NOX4: variants seen among roughly 807,000 people sequenced by gnomAD.
NOX4 encodes kidney oxidase-1.
Under a neutral mutation model 87.6 loss-of-function variants are expected in NOX4, and 69 were observed. The observed-to-expected ratio is 0.79, with a 90% CI of 0.65 to 0.96. The LOEUF (loss-of-function observed/expected upper bound fraction) is 0.96, where lower values mean the gene tolerates loss of function less well. NOX4 is among the 40% of genes least tolerant of loss of function. NOX4 has a pLI of 0.00. For synonymous variants in NOX4, 275 were observed against 238.2 expected, an observed-to-expected ratio of 1.15 and a Z score of -1.42; for missense variants, 680 against 681.5, an observed-to-expected ratio of 1.00 and a Z score of 0.02.
chr11:89,517,622 C>A, the NOX4 span, among the ~76,000 whole-genome samples: 2 of 140,122 alleles, frequency 1.4e-5, no homozygotes, highest in African/African-American at 5.4e-5. Flanking sequence ...TATGACACCA[C>A]AACTGGCTAA....
intron 2 of NOX4, among the ~76,000 whole-genome samples, chr11:89,484,156 G>T (rs2135478947): frequency 6.6e-6 from 1 of 152,078 alleles, no homozygotes; most frequent in South Asian, 2.1e-4. Context: ...AAAAAATAAA[G>T]ATTTGACTAT....
At chr11:89,546,323 G>T in the NOX4 span, among the ~76,000 whole-genome samples, 3 of 152,264 alleles carry the variant, frequency 2.0e-5, no homozygotes, top group African/African-American at 7.2e-5. Flanking sequence ...TGAAATTTCA[G>T]CCTCTTAGAG....
the NOX4 span, among the ~76,000 whole-genome samples, chr11:89,544,749 G>A: frequency 2.0e-5 from 3 of 151,902 alleles, no homozygotes; most frequent in Non-Finnish European, 4.4e-5. Context: ...TCAGTAATTT[G>A]CTGTATGTCA....
At chr11:89,571,699 A>AT in the NOX4 span, among the ~76,000 whole-genome samples, 4 of 151,776 alleles carry the variant, frequency 2.6e-5, no homozygotes, top group Admixed American at 6.6e-5. Flanking sequence ...GTGAAAAAAA[A>AT]AAAAATAAAC....
rs976052948 is a variant in NOX4 at position 89,326,134 on chromosome 11, T to C, written c.*622A>G. The C allele has an allele frequency of 4.0e-5, 6 of 151,832 alleles. No homozygotes were observed. Among genetic ancestry groups the C allele is most frequent in the Non-Finnish European group, 7.4e-5 (5 of 67,936 alleles). 9.4% of individuals were successfully genotyped at this position (151,832 alleles called of 1,614,324 possible). ...GAAAAAAATATATAAAAATAGATACTATAACAACATTTGAGGAAGGTTCAG... is the reference window on the plus strand; with the variant it reads ...GAAAAAAATATATAAAAATAGATACCATAACAACATTTGAGGAAGGTTCAG... On this transcript the variant is annotated 3_prime_UTR_variant, in exon 18 of 18. Transcript: ENST00000263317.
intron 15 of NOX4, among the ~76,000 whole-genome samples, chr11:89,338,971 C>T (rs1225960404): frequency 2.0e-5 from 3 of 152,046 alleles, no homozygotes; most frequent in Non-Finnish European, 4.4e-5. Flanking sequence ...ATCTTGCCCC[C>T]TTAGAATGTA....
intron 11 of NOX4, among the ~76,000 whole-genome samples, chr11:89,376,949 T>C (rs1290388466): frequency 6.6e-6 from 1 of 152,080 alleles, no homozygotes; most frequent in Admixed American, 6.5e-5. Flanking sequence ...TCCCAGCTAC[T>C]TGGGAAGCTG....
At chr11:89,347,610 A>G (rs939625177) in intron 13 of NOX4, among the ~76,000 whole-genome samples, 1 of 152,186 alleles carries the variant, frequency 6.6e-6, no homozygotes, top group East Asian at 1.9e-4. Flanking sequence ...CTCTCCCTCA[A>G]TCATGAGGAC....
At chr11:89,389,914 T>G (rs2135130490) in intron 11 of NOX4, among the ~76,000 whole-genome samples, 1 of 152,280 alleles carries the variant, frequency 6.6e-6, no homozygotes, top group South Asian at 2.1e-4. Flanking sequence ...AATACGTGTC[T>G]CATAGGAATA....
the NOX4 span, among the ~76,000 whole-genome samples, chr11:89,554,366 AT>A: frequency 0.014 from 2,155 of 152,278 alleles, 42 homozygotes; most frequent in African/African-American, 0.045. Context: ...GCTCTATCAA[AT>A]TCATTGATAA....
chr11:89,424,949 C>G (rs1943295722), intron 7 of NOX4, among the ~76,000 whole-genome samples: 1 of 151,980 alleles, frequency 6.6e-6, no homozygotes, highest in African/African-American at 2.4e-5. Flanking sequence ...GAAAAGCAAA[C>G]TAGGTGTTAT....
At chr11:89,395,719 T>C (rs1006293488) in intron 11 of NOX4, among the ~76,000 whole-genome samples, 2 of 152,194 alleles carry the variant, frequency 1.3e-5, no homozygotes, top group African/African-American at 4.8e-5. Flanking sequence ...GCTTTCTACA[T>C]ACAACTAGCC....
the NOX4 span, among the ~76,000 whole-genome samples, chr11:89,523,098 CA>C: frequency 6.6e-6 from 1 of 151,952 alleles, no homozygotes; most frequent in African/African-American, 2.4e-5. Flanking sequence ...GATTTTGGAT[CA>C]CTGTAACCCC....
chr11:89,501,958 A>G (rs1248254392), upstream of NOX4, among the ~76,000 whole-genome samples: 1 of 152,020 alleles, frequency 6.6e-6, no homozygotes, highest in South Asian at 2.1e-4. Flanking sequence ...CTACTCCACC[A>G]TTATATATCA....
chr11:89,459,497 G>A (rs1300902477), intron 2 of NOX4, among the ~76,000 whole-genome samples: 2 of 151,980 alleles, frequency 1.3e-5, no homozygotes, highest in South Asian at 2.1e-4. Flanking sequence ...AAAATGACAA[G>A]CATTCTTATA....
the NOX4 span, among the ~76,000 whole-genome samples, chr11:89,554,491 A>G: frequency 6.6e-6 from 1 of 152,028 alleles, no homozygotes; most frequent in Admixed American, 6.6e-5. Flanking sequence ...GAGATCTTTT[A>G]TTTTCACATA....
chr11:89,506,297 A>AAG, the NOX4 span, among the ~76,000 whole-genome samples: 203 of 144,966 alleles, frequency 1.4e-3, no homozygotes, highest in African/African-American at 3.9e-3. Flanking sequence ...GAAAGAAAGA[A>AAG]AGAAAGAGAG....
intron 13 of NOX4, among the ~76,000 whole-genome samples, chr11:89,344,799 G>A (rs1590974408): frequency 6.6e-6 from 1 of 152,036 alleles, no homozygotes; most frequent in African/African-American, 2.4e-5. Context: ...TATTAAGGGG[G>A]GATGACTTTT....
intron 11 of NOX4, 147 bp from the exon 12 acceptor site, chr11:89,373,639 G>A: frequency 3.8e-6 from 2 of 525,464 alleles, no homozygotes; most frequent in South Asian, 3.3e-5. Context: ...ATCCTTATTA[G>A]TGGAAGAAAA....
Sources: gnomAD v4.1 joint callset for allele counts (sites outside exome capture counted in the v4.1 genomes callset) on GRCh38, gnomAD v4.1.1 for gene constraint, MANE v1.5 for transcripts, NCBI Gene and HGNC (gene_info 2026-07-23, HGNC 2026-07-21) for gene names.